Variants in NLGN4X observed in about 807,000 individuals in gnomAD.
NLGN4X encodes neuroligin-4, X-linked.
NLGN4X carries 3 observed loss-of-function variants against 40.3 expected under a neutral mutation model. The ratio of observed to expected loss-of-function variants is 0.07; its 90% CI spans 0.03 to 0.19. The LOEUF is 0.19. Among genes scored for constraint, NLGN4X ranks in the 10% least tolerant of loss-of-function variants. The probability of loss-of-function intolerance (pLI) is 1.00; values close to 1 mark genes in which losing one functional copy is unlikely to be tolerated. For missense variants in NLGN4X, 382 were observed against 708.3 expected (o/e 0.54, Z 5.23); for synonymous variants, 270 against 306.8 (o/e 0.88, Z 1.25).
intron 2 of NLGN4X, among the ~76,000 whole-genome samples, chrX:6,094,221 C>T (rs1214284770): frequency 9.0e-6 from 1 of 111,183 alleles, no homozygotes; most frequent in Non-Finnish European, 1.9e-5. Context: ...ATACTGACAT[C>T]AGTAACAAAC....
chrX:6,042,730 T>TATATATATATATACACAC (rs1215396694), intron 2 of NLGN4X, among the ~76,000 whole-genome samples: 14 of 20,164 alleles, frequency 6.9e-4, no homozygotes, highest in Admixed American at 2.1e-3. Flanking sequence ...TATATATATA[T>TATATATATATATACACAC]ACACACACAC....
intron 1 of NLGN4X, among the ~76,000 whole-genome samples, chrX:6,176,030 T>A (rs987204938): frequency 9.0e-6 from 1 of 111,560 alleles, no homozygotes; most frequent in East Asian, 2.8e-4. Context: ...CCTACAGTTA[T>A]GACACAGCGA....
At chrX:6,138,292 G>C (rs777212202) in intron 2 of NLGN4X, among the ~76,000 whole-genome samples, 1 of 111,607 alleles carries the variant, frequency 9.0e-6, no homozygotes, top group South Asian at 3.7e-4. Flanking sequence ...TGATGCATGA[G>C]AATAGATGCT....
chrX:5,987,803 G>A (rs1011994492), intron 3 of NLGN4X, among the ~76,000 whole-genome samples: 5 of 112,181 alleles, frequency 4.5e-5, no homozygotes, highest in East Asian at 5.6e-4. Context: ...GCTGGGCACC[G>A]TGGCTCACGC....
At chrX:6,110,437 G>C in intron 2 of NLGN4X, among the ~76,000 whole-genome samples, 1 of 112,050 alleles carries the variant, frequency 8.9e-6, no homozygotes, top group Non-Finnish European at 1.9e-5. Flanking sequence ...CTGAGTTTCT[G>C]TGCATCCCTC....
At chrX:6,002,529 G>A (rs2035997087) in intron 3 of NLGN4X, among the ~76,000 whole-genome samples, 1 of 112,342 alleles carries the variant, frequency 8.9e-6, no homozygotes. Context: ...TTAATAAAAG[G>A]AGATTTTAAA....
At chrX:5,913,077 A>G (rs1490788913) in intron 3 of NLGN4X, among the ~76,000 whole-genome samples, 1 of 103,836 alleles carries the variant, frequency 9.6e-6, no homozygotes, top group Non-Finnish European at 2.0e-5. Context: ...GAAGAAAGGA[A>G]GGAAGGAAGG....
At chrX:6,010,391 A>G (rs907883472) in intron 3 of NLGN4X, among the ~76,000 whole-genome samples, 2 of 109,643 alleles carry the variant, frequency 1.8e-5, no homozygotes, top group Non-Finnish European at 3.8e-5. Flanking sequence ...GACTCTAACA[A>G]AGACCCTTCC....
intron 1 of NLGN4X, chrX:6,226,557 G>A (rs1926357442): frequency 8.9e-6 from 1 of 112,090 alleles, no homozygotes; most frequent in Non-Finnish European, 1.9e-5. Flanking sequence ...GGGTTGCACG[G>A]AGCACTGGGC....
intron 2 of NLGN4X, among the ~76,000 whole-genome samples, chrX:6,115,992 T>A (rs951767226): frequency 9.1e-6 from 1 of 110,186 alleles, no homozygotes; most frequent in Non-Finnish European, 1.9e-5. Context: ...CCTTTACAAA[T>A]GTAATAAAGA....
At chrX:5,925,881 C>CACATATATAT (rs2033272520) in intron 3 of NLGN4X, among the ~76,000 whole-genome samples, 2 of 19,514 alleles carry the variant, frequency 1.0e-4, no homozygotes, top group Non-Finnish European at 1.0e-4. Context: ...TACATACACA[C>CACATATATAT]ATATATATAT....
At chrX:5,946,831 T>TA (rs1327482396) in intron 3 of NLGN4X, among the ~76,000 whole-genome samples, 2 of 111,178 alleles carry the variant, frequency 1.8e-5, no homozygotes, top group Non-Finnish European at 3.8e-5. Flanking sequence ...CTCCCTCTCC[T>TA]ACCCTCCACC....
intron 1 of NLGN4X, among the ~76,000 whole-genome samples, chrX:6,173,995 T>C (rs930153715): frequency 2.7e-5 from 3 of 110,563 alleles, no homozygotes. Flanking sequence ...GAGGTAGAGG[T>C]TGCAGTGAGC....
chrX:5,981,542 CAACTA>C (rs1347549092), intron 3 of NLGN4X, among the ~76,000 whole-genome samples: 1 of 107,603 alleles, frequency 9.3e-6, no homozygotes, highest in African/African-American at 3.4e-5. Flanking sequence ...AAGATCTACT[CAACTA>C]AATTTTGAAA....
intron 3 of NLGN4X, among the ~76,000 whole-genome samples, chrX:5,917,865 T>C (rs891703289): frequency 8.0e-5 from 9 of 112,411 alleles, no homozygotes; most frequent in Admixed American, 2.8e-4. Flanking sequence ...GTGTGTTCTC[T>C]GATGGTATTT....
chrX:6,007,948 T>C (rs893639243), intron 3 of NLGN4X, among the ~76,000 whole-genome samples: 38 of 111,981 alleles, frequency 3.4e-4, no homozygotes, highest in African/African-American at 1.2e-3. Context: ...TAGTCTTCCA[T>C]GTCAGGATGC....
At chrX:6,095,598 C>A in intron 2 of NLGN4X, among the ~76,000 whole-genome samples, 1 of 112,269 alleles carries the variant, frequency 8.9e-6, no homozygotes, top group Non-Finnish European at 1.9e-5. Flanking sequence ...TCTGATTCTA[C>A]CCCATATATG....
chrX:6,047,738 C>T (rs1407457712), intron 2 of NLGN4X, among the ~76,000 whole-genome samples: 3 of 111,626 alleles, frequency 2.7e-5, no homozygotes, highest in African/African-American at 9.8e-5. Context: ...CAATAGAGGA[C>T]ACCTTTGGAG....
At chrX:6,185,854 C>A (rs1220616515) in intron 1 of NLGN4X, among the ~76,000 whole-genome samples, 1 of 111,497 alleles carries the variant, frequency 9.0e-6, no homozygotes, top group Admixed American at 9.5e-5. Flanking sequence ...CCAATGAAAA[C>A]CCACACGAAC....
Sources: allele counts gnomAD v4.1 joint callset (sites outside exome capture counted in the v4.1 genomes callset), GRCh38; gene constraint gnomAD v4.1.1; transcripts MANE v1.5; gene names NCBI Gene and HGNC (gene_info 2026-07-23, HGNC 2026-07-21).